The following RAP2A variants were observed in gnomAD, a reference collection of about 807,000 sequenced individuals.
RAP2A encodes RAP2A, member of RAS oncogene family.
RAP2A carries 5 observed loss-of-function variants against 15.1 expected under a neutral mutation model. The ratio of observed to expected loss-of-function variants is 0.33; its 90% CI spans 0.17 to 0.70. The LOEUF (loss-of-function observed/expected upper bound fraction) is 0.70, where lower values mean the gene tolerates loss of function less well. RAP2A is among the 30% of genes least tolerant of loss of function. The pLI is 0.68. For synonymous variants in RAP2A, 110 were observed against 99.7 expected, an observed-to-expected ratio of 1.10 and a Z score of -0.62; for missense variants, 111 against 240.3, an observed-to-expected ratio of 0.46 and a Z score of 3.56.
At chr13:97,438,753 T>C (rs1295091499) in intron 1 of RAP2A, among the ~76,000 whole-genome samples, 1 of 152,224 alleles carries the variant, frequency 6.6e-6, no homozygotes. Flanking sequence ...AATTTAATTA[T>C]TTGTGTGATA....
intron 1 of RAP2A, among the ~76,000 whole-genome samples, chr13:97,445,780 A>G (rs2066677062): frequency 1.3e-5 from 2 of 152,210 alleles, no homozygotes; most frequent in African/African-American, 4.8e-5. Context: ...AGAGGCAGCC[A>G]GGATGTTGTA....
chr13:97,460,473 TA>T (rs1407435633), intron 1 of RAP2A, among the ~76,000 whole-genome samples: 1 of 152,210 alleles, frequency 6.6e-6, no homozygotes, highest in East Asian at 1.9e-4. Context: ...CAGTACTAGC[TA>T]GAGGCAGCCC....
At chr13:97,446,021 T>A (rs946786720) in intron 1 of RAP2A, among the ~76,000 whole-genome samples, 1 of 152,218 alleles carries the variant, frequency 6.6e-6, no homozygotes, top group Non-Finnish European at 1.5e-5. Context: ...GTCCTGAAGC[T>A]TTTCTTTATA....
Position 97,434,738 on chromosome 13 carries a change from T to G in RAP2A, c.268T>G (p.Phe90Val). 6.2e-7 allele frequency: 1 copy of G among 1,614,010 alleles called. No homozygotes were observed. The highest frequency in any genetic ancestry group is 8.5e-7 in the Non-Finnish European group (1 of 1,179,980). ...CTACAGCCTCGTCAACCAGCAGAGC[T>G]TCCAGGACATCAAGCCCATGCGGGA... Reference protein sequence around the residue: ...LVYSLVNQQSFQDIKPMRDQI... With the variant: ...LVYSLVNQQSVQDIKPMRDQI... The change falls in exon 1 of 2, where the codon TTC becomes GTC. Residue 90 changes from phenylalanine (F) to valine (V), a missense_variant. Coordinates refer to ENST00000245304, the MANE Select transcript of RAP2A (RefSeq NM_021033.7).
chr13:97,454,540 A>C (rs1171819393), intron 1 of RAP2A, among the ~76,000 whole-genome samples: 3 of 151,288 alleles, frequency 2.0e-5, no homozygotes, highest in Non-Finnish European at 3.0e-5. Context: ...ACTTAGAGTA[A>C]AATGTAAAGA....
chr13:97,459,172 C>G (rs912801855), intron 1 of RAP2A, among the ~76,000 whole-genome samples: 1 of 152,006 alleles, frequency 6.6e-6, no homozygotes, highest in African/African-American at 2.4e-5. Flanking sequence ...AAGGTGGTAT[C>G]TTACTCATGA....
intron 1 of RAP2A, among the ~76,000 whole-genome samples, chr13:97,458,230 C>G (rs1300231480): frequency 6.6e-6 from 1 of 152,060 alleles, no homozygotes; most frequent in Non-Finnish European, 1.5e-5. Context: ...CTTAGAAAAG[C>G]CTTTCTGATT....
Position 97,464,353 on chromosome 13 carries a change from G to A in RAP2A, c.463G>A (p.Glu155Lys), listed in dbSNP as rs2066760796. ...TSAKSKTMVD[E>K]LFAEIVRQMN... ...CGCTAAGAGTAAAACAATGGTGGAC[G>A]AACTCTTTGCAGAAATTGTGAGGCA... The change falls in exon 2 of 2, where the codon GAA becomes AAA. Residue 155 changes from glutamate (E) to lysine (K), a missense_variant. By Grantham distance (56) the Glu-to-Lys change is moderately conservative. Around this residue, in one of 3 missense-constraint regions of RAP2A, gnomAD observed 74 missense variants for 132.3 expected, o/e 0.56. Coordinates refer to ENST00000245304, the MANE Select transcript of RAP2A (RefSeq NM_021033.7). 2.5e-6 allele frequency: 4 copies of A among 1,614,058 alleles called. No individual in the cohort carries two copies. Among genetic ancestry groups the A allele is most frequent in the Admixed American group, 1.7e-5 (1 of 60,010 alleles).
At position 97,445,724 on chromosome 13, in the gene RAP2A, C is replaced by T. The variant is rs556519642; in HGVS notation, c.314+10940C>T. ...GGAGAGTCCCCCAGCTGTGTGTGAG[C>T]TCAGTCATGGGAATACTGTGATCCA... On this transcript the variant is annotated intron_variant, in intron 1 of 1. Coordinates refer to ENST00000245304, the MANE Select transcript of RAP2A (RefSeq NM_021033.7). 4.7e-4 allele frequency among the ~76,000 whole-genome samples: 72 copies of T among 152,278 alleles called. 1 individual carries two copies. The highest frequency in any genetic ancestry group is 1.6e-3 in the African/African-American group (65 of 41,560).
intron 1 of RAP2A, among the ~76,000 whole-genome samples, chr13:97,440,581 T>G (rs996620967): frequency 2.6e-5 from 4 of 152,160 alleles, no homozygotes; most frequent in Non-Finnish European, 5.9e-5. Flanking sequence ...GTCAAAAAAT[T>G]GAAATTTGTT....
At chr13:97,446,829 C>T (rs1278916893) in intron 1 of RAP2A, among the ~76,000 whole-genome samples, 4 of 152,192 alleles carry the variant, frequency 2.6e-5, no homozygotes, top group Non-Finnish European at 5.9e-5. Flanking sequence ...TAACTAAAGA[C>T]CTCTGAGTGG....
intron 1 of RAP2A, among the ~76,000 whole-genome samples, chr13:97,454,022 ATCTT>A (rs1390231233): frequency 6.6e-5 from 10 of 151,142 alleles, no homozygotes; most frequent in Admixed American, 6.0e-4. Context: ...GTTTTGAGAG[ATCTT>A]TCTATGTTCT....
rs535941210 is a variant in RAP2A, at chr13:97,453,045, CTTTT to C, written c.315-11155_315-11152del. ...TTATGTTTATAGTTTTTGTTTGTGT[CTTTT>C]TTTTCTTTGCCTTTTTGCACTGTCT... is the stretch of plus-strand genomic sequence containing the variant. On this transcript the variant is annotated intron_variant, in intron 1 of 1. Coordinates refer to ENST00000245304, the MANE Select transcript of RAP2A (RefSeq NM_021033.7). Among the ~76,000 whole-genome samples the C allele has an allele frequency of 9.9e-5, 15 of 150,982 alleles. 1 individual carries two copies. The highest frequency in any genetic ancestry group is 2.6e-4 in the Admixed American group (4 of 15,142).
At chr13:97,461,974 ATATATAT>A (rs2066748335) in intron 1 of RAP2A, among the ~76,000 whole-genome samples, 1 of 142,466 alleles carries the variant, frequency 7.0e-6, no homozygotes, top group Non-Finnish European at 1.5e-5. Flanking sequence ...AAAAAAAAAT[ATATATAT>A]ATATATATTT....
At chr13:97,446,172 T>G (rs1445564926) in intron 1 of RAP2A, among the ~76,000 whole-genome samples, 1 of 152,236 alleles carries the variant, frequency 6.6e-6, no homozygotes, top group Non-Finnish European at 1.5e-5. Context: ...CTTGTTGTTC[T>G]CTACATTTAT....
At chr13:97,445,746 T>C (rs900553641) in intron 1 of RAP2A, among the ~76,000 whole-genome samples, 1 of 152,178 alleles carries the variant, frequency 6.6e-6, no homozygotes, top group Non-Finnish European at 1.5e-5. Flanking sequence ...AATACTGTGA[T>C]CCACCAGCAG....
chr13:97,454,549 G>C (rs1466643876), intron 1 of RAP2A, among the ~76,000 whole-genome samples: 2 of 151,144 alleles, frequency 1.3e-5, no homozygotes, highest in South Asian at 2.1e-4. Flanking sequence ...AAAATGTAAA[G>C]AGCTTACAAC....
At chr13:97,442,072 G>C (rs2066660164) in intron 1 of RAP2A, among the ~76,000 whole-genome samples, 1 of 152,048 alleles carries the variant, frequency 6.6e-6, no homozygotes, top group Non-Finnish European at 1.5e-5. Flanking sequence ...TGCTTTACCA[G>C]ATCAAACTCA....
At chr13:97,457,412 A>T (rs933659515) in intron 1 of RAP2A, among the ~76,000 whole-genome samples, 1 of 152,072 alleles carries the variant, frequency 6.6e-6, no homozygotes, top group Non-Finnish European at 1.5e-5. Context: ...GTACAGTTAT[A>T]GTTTCTATAA....
Sources: allele counts gnomAD v4.1 joint callset (sites outside exome capture counted in the v4.1 genomes callset), GRCh38; gene constraint gnomAD v4.1.1; regional missense constraint gnomAD v4.1.1; transcripts MANE v1.5; gene names NCBI Gene and HGNC (gene_info 2026-07-23, HGNC 2026-07-21).